PCID2: variants seen among roughly 807,000 people sequenced by gnomAD.
PCID2 encodes the protein PCI domain containing 2.
A neutral mutation model predicts 61.3 loss-of-function variants in PCID2; 41 were observed. The ratio of observed to expected loss-of-function variants is 0.67; its 90% CI spans 0.52 to 0.87. PCID2 has a LOEUF of 0.87. Ranked by LOEUF, PCID2 falls within the 40% of genes least tolerant of loss-of-function variation. PCID2 has a pLI of 0.00. For missense variants in PCID2, 392 were observed against 493.4 expected (o/e 0.79, Z 1.95); for synonymous variants, 187 against 177.8 (o/e 1.05, Z -0.41).
chr13:113,202,942 T>C (rs2039537863), intron 1 of PCID2, among the ~76,000 whole-genome samples: 1 of 152,170 alleles, frequency 6.6e-6, no homozygotes. Flanking sequence ...AACAGTAGTT[T>C]GTGGAATTTG....
At chr13:113,182,921 A>G (rs575637197) in intron 9 of PCID2, among the ~76,000 whole-genome samples, 2 of 152,350 alleles carry the variant, frequency 1.3e-5, no homozygotes, top group Admixed American at 1.3e-4. Flanking sequence ...AATCTCTGAA[A>G]TTAATAAATT....
intron 2 of PCID2, among the ~76,000 whole-genome samples, chr13:113,199,957 A>G (rs1303549797): frequency 2.0e-5 from 3 of 152,246 alleles, no homozygotes; most frequent in Non-Finnish European, 4.4e-5. Context: ...GGGCTTTACC[A>G]AATGTCCACA....
chr13:113,206,864 T>C (rs754864259), intron 1 of PCID2, among the ~76,000 whole-genome samples: 2 of 152,230 alleles, frequency 1.3e-5, no homozygotes, highest in Non-Finnish European at 2.9e-5. Flanking sequence ...CCCTGTCTAC[T>C]CTCTCTACTT....
At chr13:113,170,115 G>C in the PCID2 span, among the ~76,000 whole-genome samples, 4 of 152,118 alleles carry the variant, frequency 2.6e-5, no homozygotes, top group Admixed American at 2.0e-4. Context: ...CATAGATTTT[G>C]TCAATTTTTT....
In PCID2 at chr13:113,179,213, A is replaced by C; in HGVS notation, c.987-124T>G. On this transcript the variant is annotated intron_variant, in intron 12 of 13. Coordinates refer to ENST00000337344, the MANE Select transcript of PCID2 (RefSeq NM_001127202.4). The surrounding 1 kb of genome is among the most constrained non-coding windows in gnomAD (Gnocchi z 4.3). ...GTAAAAAAATTCCCACCTATTAGAT[A>C]AACTCTAAACTACACTCTCAGAGCT... 1.5e-6 allele frequency: 1 copy of C among 651,432 alleles called. No homozygotes were observed. The highest frequency in any genetic ancestry group is 2.6e-5 in the South Asian group (1 of 38,600). 40.4% of individuals were successfully genotyped at this position (651,432 alleles called of 1,614,324 possible). A position where few individuals can be genotyped will look rare whatever the true frequency, so the allele number is the denominator to read the frequency against.
At chr13:113,187,637 T>C (rs969750797) in intron 7 of PCID2, 1 of 152,220 alleles carries the variant, frequency 6.6e-6, no homozygotes, top group Admixed American at 6.5e-5. Flanking sequence ...TACTGGTCAC[T>C]TGCGTATTTT....
At chr13:113,173,404 G>C (rs2037146913), downstream of PCID2, among the ~76,000 whole-genome samples, 1 of 152,094 alleles carries the variant, frequency 6.6e-6, no homozygotes, top group African/African-American at 2.4e-5. Flanking sequence ...TTAAGGAAGG[G>C]GCACAGCTGC....
At chr13:113,194,116 TGG>T (rs1342575782) in intron 6 of PCID2, among the ~76,000 whole-genome samples, 2 of 152,178 alleles carry the variant, frequency 1.3e-5, no homozygotes, top group Admixed American at 6.5e-5. Flanking sequence ...ATCCACCTGG[TGG>T]GGAGGGGGAC....
At chr13:113,181,632 T>C (rs1360968402) in intron 9 of PCID2, among the ~76,000 whole-genome samples, 1 of 152,190 alleles carries the variant, frequency 6.6e-6, no homozygotes, top group Non-Finnish European at 1.5e-5. Context: ...TCACCCATAA[T>C]TAAACAATGA....
chr13:113,175,309 A>C (rs973137765), downstream of PCID2, among the ~76,000 whole-genome samples: 5 of 152,188 alleles, frequency 3.3e-5, no homozygotes, highest in African/African-American at 1.2e-4. Context: ...AATTACCTTA[A>C]AGTATCAATC....
At chr13:113,178,698 C>T (rs976035280) in intron 13 of PCID2, among the ~76,000 whole-genome samples, 2 of 152,150 alleles carry the variant, frequency 1.3e-5, no homozygotes, top group Admixed American at 6.5e-5. Flanking sequence ...ACTGAAGCAC[C>T]TGTGGATTTT....
chr13:113,204,582 AC>A (rs1411713594), intron 1 of PCID2, among the ~76,000 whole-genome samples: 6 of 152,072 alleles, frequency 3.9e-5, no homozygotes, highest in Non-Finnish European at 8.8e-5. Context: ...CCTGGGCTGC[AC>A]CCAGTGTCCC....
chr13:113,171,530 G>A, the PCID2 span: 89 of 1,607,364 alleles, frequency 5.5e-5, no homozygotes, highest in African/African-American at 7.9e-4. The surrounding 1 kb of genome is among the most constrained non-coding windows in gnomAD (Gnocchi z 5.1). Flanking sequence ...TGAGAAGCTC[G>A]TTTGAGCATT....
chr13:113,179,014 G>A lies in PCID2; in HGVS notation c.1062C>T (p.Asp354=), dbSNP rs1271105515. ...LVALKFMQVE[D]VDIDEVQCIL... ...TACACTGAACTTCGTCAATGTCCAC[G>A]TCCTCCACCTGCATGAACTTCAAGG... The change falls in exon 13 of 14, where the codon GAC becomes GAT. Residue 354 remains aspartate, a synonymous_variant. Coordinates refer to ENST00000337344, the MANE Select transcript of PCID2 (RefSeq NM_001127202.4). This position sits in a 1 kb window ranked among gnomAD's most constrained non-coding sequence, Gnocchi z 4.3. The A allele has an allele frequency of 6.2e-6, 10 of 1,613,470 alleles. No homozygotes were observed. Among genetic ancestry groups the A allele is most frequent in the South Asian group, 3.3e-5 (3 of 91,072 alleles).
Position 113,178,092 on chromosome 13 carries a change from G to T in PCID2, c.*106C>A. On this transcript the variant is annotated 3_prime_UTR_variant, in exon 14 of 14. Transcript: ENST00000337344. Reference sequence around the variant, plus strand: ...GCATCCCTGGGAAAAGCGCCTCCAAGAGTTCCGGCTTCAGGGAGCCTTGTT... The same window carrying T: ...GCATCCCTGGGAAAAGCGCCTCCAATAGTTCCGGCTTCAGGGAGCCTTGTT... 1 of 705,512 alleles carries T rather than the reference G, an allele frequency of 1.4e-6. No individual in the cohort carries two copies. The highest frequency in any genetic ancestry group is 2.4e-6 in the Non-Finnish European group (1 of 417,872). The allele number at this position is 705,512 out of a possible 1,614,324, so 43.7% of individuals were successfully genotyped here.
chr13:113,181,605 TCCA>T (rs948037592), intron 9 of PCID2, among the ~76,000 whole-genome samples: 5 of 152,198 alleles, frequency 3.3e-5, no homozygotes, highest in Non-Finnish European at 5.9e-5. Context: ...AAAATGTACC[TCCA>T]CAATACATTT....
Position 113,179,556 on chromosome 13 carries a change from G to C in PCID2, c.986+361C>G, listed in dbSNP as rs374145653. Among the ~76,000 whole-genome samples the C allele has an allele frequency of 2.0e-5, 3 of 152,292 alleles. No homozygotes were observed. The highest frequency in any genetic ancestry group is 3.9e-4 in the East Asian group (2 of 5,176). On this transcript the variant is annotated intron_variant, in intron 12 of 13. Coordinates refer to ENST00000337344, the MANE Select transcript of PCID2 (RefSeq NM_001127202.4). The surrounding 1 kb of genome is among the most constrained non-coding windows in gnomAD (Gnocchi z 4.3). ...GATCTCTGCATCTGCCTTTGTGACA[G>C]GCAGAAGTGGCTGGGAGGGCTACTT...
intron 8 of PCID2, among the ~76,000 whole-genome samples, chr13:113,185,254 G>A (rs572747073): frequency 6.6e-6 from 1 of 152,348 alleles, no homozygotes; most frequent in South Asian, 2.1e-4. Context: ...CTGGGGCTGG[G>A]AGCGCTAACC....
intron 1 of PCID2, among the ~76,000 whole-genome samples, chr13:113,206,107 G>C (rs527239181): frequency 6.6e-6 from 1 of 152,306 alleles, no homozygotes; most frequent in African/African-American, 2.4e-5. Context: ...TGAAGTTTTA[G>C]TAACAGAGGC....
Sources: allele counts gnomAD v4.1 joint callset (sites outside exome capture counted in the v4.1 genomes callset), GRCh38; gene constraint gnomAD v4.1.1; non-coding constraint Gnocchi (gnomAD v3.1); transcripts MANE v1.5; gene names NCBI Gene and HGNC (gene_info 2026-07-23, HGNC 2026-07-21).